The following STK33 variants were observed in gnomAD, a reference collection of about 807,000 sequenced individuals.
STK33 encodes serine/threonine kinase 33, also known as serine/threonine-protein kinase 33.
STK33 carries 52 observed loss-of-function variants against 58.0 expected under a neutral mutation model. The ratio of observed to expected loss-of-function variants is 0.90; its 90% CI spans 0.72 to 1.13. The LOEUF (loss-of-function observed/expected upper bound fraction) is 1.13, where lower values mean the gene tolerates loss of function less well. Among genes scored for constraint, STK33 ranks in the 50% most tolerant of loss-of-function variants. STK33 has a pLI of 0.00. For synonymous variants in STK33, 215 were observed against 200.1 expected (o/e 1.07, Z -0.63); for missense variants, 630 against 604.2 (o/e 1.04, Z -0.45).
In STK33 at chr11:8,526,552, T is replaced by G. The variant is rs143224975; in HGVS notation, c.-465-45938A>C. ...GTCTGCAGATGTGCTCCAAAATACA[T>G]GTACCTGAATGTTCAGAGCAGGATA... On this transcript the variant is annotated intron_variant, in intron 1 of 15. Transcript: ENST00000687296. Among the ~76,000 whole-genome samples the G allele has an allele frequency of 7.0e-3, 1,061 of 152,256 alleles. 13 individuals are homozygous for G. The highest frequency in any genetic ancestry group is 0.023 in the African/African-American group (966 of 41,520).
Position 8,482,952 on chromosome 11 carries a change from C to T in STK33, c.-465-2338G>A, listed in dbSNP as rs549750327. On this transcript the variant is annotated intron_variant, in intron 1 of 15. Coordinates refer to ENST00000687296, the MANE Select transcript of STK33 (RefSeq NM_001352389.2). Reference sequence around the variant, plus strand: ...TTCACCATGTTAGCCAGGATGGTTTCGATCTCCTGACCTCATAATCTGCCT... The same window carrying T: ...TTCACCATGTTAGCCAGGATGGTTTTGATCTCCTGACCTCATAATCTGCCT... Among the ~76,000 whole-genome samples the T allele has an allele frequency of 3.9e-5, 6 of 151,958 alleles. 1 individual carries two copies. The South Asian group carries it at 8.3e-4, about 21-fold the overall frequency.
At chr11:8,516,979 A>G (rs940521295) in intron 1 of STK33, among the ~76,000 whole-genome samples, 1 of 152,228 alleles carries the variant, frequency 6.6e-6, no homozygotes, top group Non-Finnish European at 1.5e-5. Context: ...CTTTGAAGAC[A>G]GTAGCGGTTC....
intron 2 of STK33, among the ~76,000 whole-genome samples, chr11:8,479,647 A>G (rs984515255): frequency 3.9e-5 from 6 of 152,054 alleles, no homozygotes; most frequent in African/African-American, 1.4e-4. Context: ...GTTCGAGATC[A>G]GCCTGGCCAA....
the STK33 span, among the ~76,000 whole-genome samples, chr11:8,380,318 G>T: frequency 6.6e-6 from 1 of 152,140 alleles, no homozygotes; most frequent in Non-Finnish European, 1.5e-5. Flanking sequence ...CCAGCACTTT[G>T]AGAGGCCGAG....
At chr11:8,425,292 T>C (rs1051459617) in intron 14 of STK33, among the ~76,000 whole-genome samples, 1 of 152,208 alleles carries the variant, frequency 6.6e-6, no homozygotes, top group African/African-American at 2.4e-5. Context: ...GATCAGATAG[T>C]TGTAGATATG....
chr11:8,497,730 G>C (rs1402987327), intron 1 of STK33, among the ~76,000 whole-genome samples: 1 of 152,148 alleles, frequency 6.6e-6, no homozygotes, highest in Non-Finnish European at 1.5e-5. Flanking sequence ...CCAAAGTACT[G>C]GGATTACAGG....
chr11:8,516,523 C>T (rs1952797710), intron 1 of STK33, among the ~76,000 whole-genome samples: 2 of 152,188 alleles, frequency 1.3e-5, no homozygotes, highest in African/African-American at 4.8e-5. Context: ...GCCCACGGAG[C>T]AGGATGGGGC....
intron 14 of STK33, among the ~76,000 whole-genome samples, chr11:8,415,416 A>T (rs1387619199): frequency 6.6e-6 from 1 of 152,096 alleles, no homozygotes; most frequent in Non-Finnish European, 1.5e-5. Context: ...CATGATTGGA[A>T]ATGGTATGTA....
intron 1 of STK33, among the ~76,000 whole-genome samples, chr11:8,587,205 G>A (rs2031812889): frequency 1.3e-5 from 2 of 151,974 alleles, no homozygotes; most frequent in African/African-American, 4.8e-5. Flanking sequence ...AAGACTCTAT[G>A]GAGTTTTTTT....
intron 11 of STK33, among the ~76,000 whole-genome samples, chr11:8,441,850 T>C (rs1379671277): frequency 6.6e-6 from 1 of 152,188 alleles, no homozygotes; most frequent in East Asian, 1.9e-4. Flanking sequence ...ATGAAGTATG[T>C]TAAGAATTCT....
intron 11 of STK33, among the ~76,000 whole-genome samples, chr11:8,450,397 G>C (rs983679765): frequency 1.3e-5 from 2 of 152,008 alleles, no homozygotes; most frequent in South Asian, 4.2e-4. Context: ...CACACACCGG[G>C]GCCTGTTGGG....
At chr11:8,357,244 C>T in the STK33 span, among the ~76,000 whole-genome samples, 61 of 152,342 alleles carry the variant, frequency 4.0e-4, no homozygotes, top group Non-Finnish European at 5.7e-4. Context: ...TAGCAGCGCG[C>T]GGCGCGATTA....
At chr11:8,549,853 G>A (rs1205964519) in intron 1 of STK33, among the ~76,000 whole-genome samples, 1 of 151,274 alleles carries the variant, frequency 6.6e-6, no homozygotes, top group African/African-American at 2.4e-5. Context: ...TATTTATTTG[G>A]GTCTTCTCTC....
chr11:8,431,694 C>G (rs1037617567), intron 14 of STK33, among the ~76,000 whole-genome samples: 1 of 152,184 alleles, frequency 6.6e-6, no homozygotes, highest in Non-Finnish European at 1.5e-5. Flanking sequence ...CCTGGCAAGA[C>G]TGATGCACTT....
At chr11:8,369,320 T>TGTGTGTGTGC in the STK33 span, among the ~76,000 whole-genome samples, 1 of 151,090 alleles carries the variant, frequency 6.6e-6, no homozygotes, top group Admixed American at 6.6e-5. Context: ...TGTGTGTGTG[T>TGTGTGTGTGC]GTGTGTGTGT....
intron 1 of STK33, among the ~76,000 whole-genome samples, chr11:8,510,347 T>C (rs997022569): frequency 1.3e-5 from 2 of 152,196 alleles, no homozygotes; most frequent in African/African-American, 4.8e-5. Flanking sequence ...TGGATGGGAT[T>C]ATTTGTTTTT....
the STK33 span, among the ~76,000 whole-genome samples, chr11:8,379,661 G>A: frequency 6.6e-6 from 1 of 152,094 alleles, no homozygotes; most frequent in Admixed American, 6.5e-5. Context: ...TACATGTGCA[G>A]GTTTGTGATA....
At chr11:8,491,681 A>C (rs1369545407) in intron 1 of STK33, among the ~76,000 whole-genome samples, 1 of 152,256 alleles carries the variant, frequency 6.6e-6, no homozygotes, top group East Asian at 1.9e-4. Flanking sequence ...AACAATGTTA[A>C]GGGCAGCCAG....
At chr11:8,584,302 G>A (rs2031065428) in intron 1 of STK33, among the ~76,000 whole-genome samples, 1 of 152,058 alleles carries the variant, frequency 6.6e-6, no homozygotes, top group South Asian at 2.1e-4. Context: ...AATGTAGGGA[G>A]GATTCCAGAA....
Sources: allele counts gnomAD v4.1 joint callset (sites outside exome capture counted in the v4.1 genomes callset), GRCh38; gene constraint gnomAD v4.1.1; transcripts MANE v1.5; gene names NCBI Gene and HGNC (gene_info 2026-07-23, HGNC 2026-07-21).